The following DNAI1 variants were observed in gnomAD, a reference collection of about 807,000 sequenced individuals.
DNAI1 encodes dynein, axonemal, intermediate polypeptide 1.
A neutral mutation model predicts 92.0 loss-of-function variants in DNAI1; 67 were observed. The observed-to-expected ratio is 0.73, with a 90% confidence interval of 0.60 to 0.89. The LOEUF is 0.89. Ranked by LOEUF, DNAI1 falls within the 40% of genes least tolerant of loss-of-function variation. The pLI, the probability that DNAI1 is intolerant of heterozygous loss-of-function variation, is 0.00. For missense variants in DNAI1, 839 were observed against 866.6 expected (o/e 0.97, Z 0.40); for synonymous variants, 323 against 319.6 (o/e 1.01, Z -0.11).
intron 4 of DNAI1, among the ~76,000 whole-genome samples, chr9:34,486,336 A>C (rs927111278): frequency 6.6e-6 from 1 of 152,196 alleles, no homozygotes; most frequent in African/African-American, 2.4e-5. Context: ...AATTTTATGA[A>C]AACTTAGATT....
chr9:34,516,990 C>T (rs957019172), intron 18 of DNAI1, among the ~76,000 whole-genome samples: 2 of 152,192 alleles, frequency 1.3e-5, no homozygotes, highest in African/African-American at 2.4e-5. Flanking sequence ...ATTCACCCAC[C>T]TTGGCCTCCC....
At chr9:34,497,859 T>G (rs1053724719) in intron 10 of DNAI1, among the ~76,000 whole-genome samples, 1 of 152,176 alleles carries the variant, frequency 6.6e-6, no homozygotes, top group African/African-American at 2.4e-5. Context: ...AGGAATGGAC[T>G]CTGGGGACAA....
Position 34,485,203 on chromosome 9 carries a change from C to T in DNAI1, c.143C>T (p.Thr48Ile). 2 of 1,614,174 alleles carry T rather than the reference C, an allele frequency of 1.2e-6. No homozygotes were observed. Among genetic ancestry groups the T allele is most frequent in the Non-Finnish European group, 1.7e-6 (2 of 1,180,026 alleles). The stretch of plus-strand genomic sequence containing the variant: ...GATGAATGGGCCCAATCCAAAGCCA[C>T]AGTTAGACCCCCTGACCAGCTGGAG... ...GTDEWAQSKA[T>I]VRPPDQLELT... Residue 48 changes from threonine to isoleucine, a missense_variant, in exon 3 of 20, where the codon ACA becomes ATA. By Grantham distance (89) the Thr-to-Ile change is moderately conservative. Transcript: ENST00000242317.
chr9:34,471,601 C>T (rs1824135663), intron 1 of DNAI1, among the ~76,000 whole-genome samples: 1 of 152,032 alleles, frequency 6.6e-6, no homozygotes, highest in Non-Finnish European at 1.5e-5. Context: ...AACACTGTCT[C>T]TACTAAAAAA....
rs904790792 is a variant in DNAI1, at chr9:34,514,740, G to T, written c.1818+1G>T. 2.5e-6 allele frequency: 4 copies of T among 1,613,936 alleles called. No homozygotes were observed. Among genetic ancestry groups the T allele is most frequent in the Admixed American group, 3.3e-5 (2 of 60,036 alleles). ...CGCAGCAGTCACCACAGATGGGAAG[G>T]TGAGTGCCAGCGTCCTGACTTCACT... On this transcript the variant is annotated splice_donor_variant, in intron 18 of 19. Coordinates refer to ENST00000242317, the MANE Select transcript of DNAI1 (RefSeq NM_012144.4). LOFTEE classifies it high-confidence loss of function.
intron 13 of DNAI1, among the ~76,000 whole-genome samples, chr9:34,507,926 CTG>C (rs1448356587): frequency 6.6e-6 from 1 of 152,236 alleles, no homozygotes; most frequent in Non-Finnish European, 1.5e-5. Flanking sequence ...TTCACCCTGA[CTG>C]TGTTTCCCAT....
intron 5 of DNAI1, 161 bp from the exon 6 acceptor site, chr9:34,489,850 CA>C (rs962055294): frequency 0.013 from 11,491 of 904,834 alleles, 3 homozygotes; most frequent in East Asian, 0.021. Flanking sequence ...GACTCTGTCT[CA>C]AAAAAAAAAG....
At position 34,500,836 on chromosome 9, in the gene DNAI1, G is replaced by T. The variant is rs777922183; in HGVS notation, c.1016G>T (p.Cys339Phe). 7 of 1,612,960 alleles carry T rather than the reference G, an allele frequency of 4.3e-6. No individual in the cohort carries two copies. The East Asian group carries it at 1.3e-4, about 31-fold the overall frequency. Residue 339 changes from cysteine to phenylalanine, a missense_variant, in exon 11 of 20, where the codon TGC becomes TTC. Physicochemically the swap from Cys to Phe is radical, Grantham distance 205 (BLOSUM62 -2). Transcript: ENST00000242317. ...AAGCGCCTGTCCGTCACTGCCCTCT[G>T]CTGGTAAGTATAGGCATTGCAGCAA... ...KAKRLSVTAL[C>F]WNPKYRDLFA...
At chr9:34,499,732 A>G (rs1236624921) in intron 10 of DNAI1, among the ~76,000 whole-genome samples, 2 of 152,212 alleles carry the variant, frequency 1.3e-5, no homozygotes, top group Non-Finnish European at 2.9e-5. Context: ...ATGGAAAACG[A>G]TGTAGAAACA....
chr9:34,485,259 G>A lies in DNAI1; in HGVS notation c.180+19G>A, dbSNP rs745598549. ...CGATGCGGTGAGTGAGTAGCCTCTT[G>A]TTCTTGCTCCTTGTACCTCTTCCAG... On this transcript the variant is annotated intron_variant, in intron 3 of 19. Coordinates refer to ENST00000242317, the MANE Select transcript of DNAI1 (RefSeq NM_012144.4). 1 of 1,613,990 alleles carries A rather than the reference G, an allele frequency of 6.2e-7. No individual in the cohort carries two copies. The highest frequency in any genetic ancestry group is 2.2e-5 in the East Asian group (1 of 44,884).
chr9:34,496,235 G>A (rs1824723367), intron 9 of DNAI1, among the ~76,000 whole-genome samples: 1 of 152,216 alleles, frequency 6.6e-6, no homozygotes, highest in African/African-American at 2.4e-5. Flanking sequence ...GTGCAGGTCT[G>A]TGCGGCTCTA....
In DNAI1 at chr9:34,458,936, T is replaced by C; in HGVS notation, c.-70T>C. On this transcript the variant is annotated 5_prime_UTR_variant, in exon 1 of 20. Transcript: ENST00000242317. The surrounding 1 kb of genome is among the most constrained non-coding windows in gnomAD (Gnocchi z 6.6). ...GAAGAGAGTCCAGATTTCTTGTGTG[T>C]GGTCAAGGAGACGGACAAACTTTTT... is the stretch of plus-strand genomic sequence containing the variant. 7.2e-7 allele frequency: 1 copy of C among 1,393,164 alleles called. No individual in the cohort carries two copies. 86.3% of individuals were successfully genotyped at this position (1,393,164 alleles called of 1,614,324 possible).
chr9:34,485,275 C>T, intron 3 of DNAI1, 35 bp downstream of exon 3: 2 of 1,612,574 alleles, frequency 1.2e-6, no homozygotes, highest in South Asian at 2.2e-5. Flanking sequence ...GCTCCTTGTA[C>T]CTCTTCCAGT....
At chr9:34,515,330 T>C (rs12001113) in intron 18 of DNAI1, among the ~76,000 whole-genome samples, 52,701 of 152,030 alleles carry the variant, frequency 0.35, 9,582 homozygotes, top group African/African-American at 0.42. Flanking sequence ...AAGGCACCAT[T>C]CTAAAGTCCG....
chr9:34,459,021 G>A lies in DNAI1; in HGVS notation c.16G>A (p.Ala6Thr). MIPAS[A>T]KAPHKQPHKQ... Reference sequence around the variant, plus strand: ...AGGGGTTGAGATGATTCCTGCTTCTGCGAAGGCTCCCCATAAACAGCCTCA... The same window carrying A: ...AGGGGTTGAGATGATTCCTGCTTCTACGAAGGCTCCCCATAAACAGCCTCA... Residue 6 changes from alanine (A) to threonine (T), a missense_variant, in exon 1 of 20, where the codon GCG becomes ACG. By Grantham distance (58) the Ala-to-Thr change is moderately conservative (BLOSUM62 0). Transcript: ENST00000242317. The A allele has an allele frequency of 1.9e-6, 3 of 1,614,134 alleles. No homozygotes were observed. Among genetic ancestry groups the A allele is most frequent in the Non-Finnish European group, 2.5e-6 (3 of 1,180,000 alleles).
intron 1 of DNAI1, among the ~76,000 whole-genome samples, chr9:34,478,221 A>G (rs944827057): frequency 3.9e-5 from 6 of 152,144 alleles, no homozygotes; most frequent in African/African-American, 1.4e-4. Flanking sequence ...AAATAATAAA[A>G]GTAGATTTGA....
At chr9:34,509,196 G>T (rs560120693) in intron 13 of DNAI1, among the ~76,000 whole-genome samples, 28 of 152,244 alleles carry the variant, frequency 1.8e-4, no homozygotes, top group African/African-American at 6.7e-4. Context: ...GGCTGGGCAG[G>T]TCTTTCTAGA....
At chr9:34,463,519 C>T (rs1272715788) in intron 1 of DNAI1, among the ~76,000 whole-genome samples, 1 of 152,186 alleles carries the variant, frequency 6.6e-6, no homozygotes, top group Admixed American at 6.5e-5. Flanking sequence ...TATACATGTA[C>T]AGGAGGAGCT....
At chr9:34,502,329 G>A (rs1443069866) in intron 12 of DNAI1, among the ~76,000 whole-genome samples, 1 of 152,166 alleles carries the variant, frequency 6.6e-6, no homozygotes, top group African/African-American at 2.4e-5. Context: ...CTCTGGCAGG[G>A]AACTAGCACA....
Sources: gnomAD v4.1 joint callset for allele counts (sites outside exome capture counted in the v4.1 genomes callset) on GRCh38, gnomAD v4.1.1 for gene constraint, Gnocchi (gnomAD v3.1) non-coding constraint, MANE v1.5 for transcripts, NCBI Gene and HGNC (gene_info 2026-07-23, HGNC 2026-07-21) for gene names.